The following ADARB1 variants were observed in gnomAD, a reference collection of about 807,000 sequenced individuals.
ADARB1 encodes the protein double-stranded RNA-specific editase 1.
Under a neutral mutation model 52.4 loss-of-function variants are expected in ADARB1, and 10 were observed. The ratio of observed to expected loss-of-function variants is 0.19; its 90% CI spans 0.12 to 0.32. The LOEUF is 0.32. Among genes scored for constraint, ADARB1 ranks in the 10% least tolerant of loss-of-function variants. The pLI is 1.00. For synonymous variants in ADARB1, 349 were observed against 371.1 expected (o/e 0.94, Z 0.68); for missense variants, 643 against 922.3 (o/e 0.70, Z 3.92).
chr21:45,165,267 C>T (rs1464550178), intron 2 of ADARB1, among the ~76,000 whole-genome samples: 2 of 152,168 alleles, frequency 1.3e-5, no homozygotes, highest in Non-Finnish European at 2.9e-5. Flanking sequence ...ACTGACACCT[C>T]TGCATGTTTC....
chr21:45,089,452 AT>A (rs113705380), intron 1 of ADARB1, among the ~76,000 whole-genome samples: 7 of 150,022 alleles, frequency 4.7e-5, no homozygotes, highest in East Asian at 3.9e-4. Flanking sequence ...GATTTGGTCG[AT>A]TTTTTTTTTC....
In ADARB1 at chr21:45,169,510, A is replaced by T. The variant is rs111483026; in HGVS notation, c.-47-2100A>T. Among the ~76,000 whole-genome samples, 567 of 152,274 alleles carry T rather than the reference A, an allele frequency of 3.7e-3. 7 individuals are homozygous for T. Among genetic ancestry groups the T allele is most frequent in the African/African-American group, 0.013 (532 of 41,540 alleles). ...TATGTTGAGAAAATGAAGCAAAAGGAAAATGCAGGGTCGCTTCTCAGGTCC... is the reference window on the plus strand; with the variant it reads ...TATGTTGAGAAAATGAAGCAAAAGGTAAATGCAGGGTCGCTTCTCAGGTCC... On this transcript the variant is annotated intron_variant, in intron 2 of 10. Transcript: ENST00000348831.
chr21:45,173,333 T>C (rs2838797), intron 3 of ADARB1, among the ~76,000 whole-genome samples: 52,200 of 152,018 alleles, frequency 0.34, 9,132 homozygotes, highest in Admixed American at 0.39. Flanking sequence ...AGAGAAGGCA[T>C]CTGTTGAAGA....
chr21:45,222,842 C>A lies in ADARB1; in HGVS notation c.*645C>A. ...GACTCCCAGCATGGTGTAGCGTGGC[C>A]CTGTCATGCACATGGGGTCCCGCAG... is the stretch of plus-strand genomic sequence containing the variant. On this transcript the variant is annotated 3_prime_UTR_variant, in exon 11 of 11. Transcript: ENST00000348831. 4.1e-6 allele frequency: 4 copies of A among 985,470 alleles called. No individual in the cohort carries two copies. Among genetic ancestry groups the A allele is most frequent in the Non-Finnish European group, 4.8e-6 (4 of 830,004 alleles). 61.0% of individuals were successfully genotyped at this position (985,470 alleles called of 1,614,324 possible). A position where few individuals can be genotyped will look rare whatever the true frequency, so the allele number is the denominator to read the frequency against.
chr21:45,206,493 G>A (rs2092667880), intron 9 of ADARB1, among the ~76,000 whole-genome samples: 1 of 149,688 alleles, frequency 6.7e-6, no homozygotes, highest in African/African-American at 2.5e-5. Context: ...GATAGTGTCT[G>A]CAAGATAGAG....
chr21:45,157,339 G>A lies in ADARB1; in HGVS notation c.-47-14271G>A, dbSNP rs1201212885. 6.6e-6 allele frequency among the ~76,000 whole-genome samples: 1 copy of A among 152,112 alleles called. No individual in the cohort carries two copies. Among genetic ancestry groups the A allele is most frequent in the Non-Finnish European group, 1.5e-5 (1 of 68,026 alleles). On this transcript the variant is annotated intron_variant, in intron 2 of 10. Coordinates refer to ENST00000348831, the MANE Select transcript of ADARB1 (RefSeq NM_001112.4). The surrounding 1 kb of genome is among the most constrained non-coding windows in gnomAD (Gnocchi z 4.1). ...TATAAGTGTTAATATTGAAAATAAA[G>A]TTTACATCGTTGTCTTTTTTTTCCC...
chr21:45,176,365 C>G lies in ADARB1; in HGVS notation c.664C>G (p.Leu222Val). The part of the protein sequence containing the change: ...PVPASLAQPP[L>V]PVLPPFPPPS... ...GCCTGCCAGCCTAGCCCAGCCTCCT[C>G]TCCCTGTCTTACCACCATTCCCACC... The change falls in exon 4 of 11, where the codon CTC becomes GTC. Residue 222 changes from leucine (L) to valine (V), a missense_variant. Physicochemically the swap from Leu to Val is conservative, Grantham distance 32. Transcript: ENST00000348831. The surrounding 1 kb of genome is among the most constrained non-coding windows in gnomAD (Gnocchi z 5.8). The G allele has an allele frequency of 6.2e-7, 1 of 1,614,206 alleles. No individual in the cohort carries two copies. The highest frequency in any genetic ancestry group is 8.5e-7 in the Non-Finnish European group (1 of 1,180,022).
intron 2 of ADARB1, among the ~76,000 whole-genome samples, chr21:45,162,288 G>C (rs1413528712): frequency 6.6e-6 from 1 of 152,178 alleles, no homozygotes; most frequent in Admixed American, 6.5e-5. Flanking sequence ...GCCTGGTTCA[G>C]CTGCAGCCTT....
chr21:45,222,104 C>A lies in ADARB1; in HGVS notation c.2013C>A (p.Ala671=). The change falls in exon 11 of 11, where the codon GCC becomes GCA. Residue 671 remains alanine (A), a synonymous_variant. Transcript: ENST00000348831. ...TGGCGGCAAAGGAGTACCAGGCCGC[C>A]AAGGCGCGTCTGTTCACAGCCTTCA... ...SKLAAKEYQA[A]KARLFTAFIK... 1 of 1,613,248 alleles carries A rather than the reference C, an allele frequency of 6.2e-7. No individual in the cohort carries two copies. The highest frequency in any genetic ancestry group is 1.1e-5 in the South Asian group (1 of 91,058).
At position 45,200,224 on chromosome 21, in the gene ADARB1, G is replaced by A. The variant is rs1049175756; in HGVS notation, c.1566-4331G>A. On this transcript the variant is annotated intron_variant, in intron 8 of 10. Coordinates refer to ENST00000348831, the MANE Select transcript of ADARB1 (RefSeq NM_001112.4). The surrounding 1 kb of genome is among the most constrained non-coding windows in gnomAD (Gnocchi z 5.0). ...AGGGCCCAGGGCCATGGTAGGTTGG[G>A]GGTGGGGTGGGAGCCACAGCACTGC... Among the ~76,000 whole-genome samples the A allele has an allele frequency of 2.0e-5, 3 of 152,192 alleles. No individual in the cohort carries two copies. The highest frequency in any genetic ancestry group is 7.2e-5 in the African/African-American group (3 of 41,432).
chr21:45,117,329 G>T (rs1007547016), intron 1 of ADARB1, among the ~76,000 whole-genome samples: 1 of 152,168 alleles, frequency 6.6e-6, no homozygotes, highest in African/African-American at 2.4e-5. Flanking sequence ...CTTACAAAAT[G>T]TTGTGTGTGT....
At chr21:45,105,701 T>C (rs1424060560) in intron 1 of ADARB1, among the ~76,000 whole-genome samples, 3 of 152,198 alleles carry the variant, frequency 2.0e-5, no homozygotes, top group Non-Finnish European at 4.4e-5. Flanking sequence ...CACACACACA[T>C]ATATGAGTGT....
chr21:45,075,010 GAGGA>G (rs2085859264), intron 1 of ADARB1, among the ~76,000 whole-genome samples: 1 of 151,348 alleles, frequency 6.6e-6, no homozygotes, highest in Non-Finnish European at 1.5e-5. Flanking sequence ...TCGGCTCCCG[GAGGA>G]AGCTGCGCCC....
In ADARB1 at chr21:45,176,249, C is replaced by A; in HGVS notation, c.548C>A (p.Pro183His). ...ACGCTCTTCAATGGTTTTGAAACTC[C>A]TGACAAGGCGGAGCCTCCCTTTTAC... ...PDTLFNGFET[P>H]DKAEPPFYVG... The change falls in exon 4 of 11, where the codon CCT (proline) becomes CAT (histidine). Residue 183 changes from proline to histidine, a missense_variant. By Grantham distance (77) the Pro-to-His change is moderately conservative. This residue lies in a region of ADARB1 where 380 missense variants were observed against 446.5 expected (regional missense o/e 0.85). Coordinates refer to ENST00000348831, the MANE Select transcript of ADARB1 (RefSeq NM_001112.4). The surrounding 1 kb of genome is among the most constrained non-coding windows in gnomAD (Gnocchi z 5.8). 6.2e-7 allele frequency: 1 copy of A among 1,614,194 alleles called. No individual in the cohort carries two copies. The highest frequency in any genetic ancestry group is 8.5e-7 in the Non-Finnish European group (1 of 1,180,038).
chr21:45,134,930 A>G, intron 2 of ADARB1: 1 of 441,820 alleles, frequency 2.3e-6, no homozygotes, highest in Non-Finnish European at 4.7e-6. Context: ...GGGCAGAGCC[A>G]CCTCTGCAGA....
At position 45,128,376 on chromosome 21, in the gene ADARB1, A is replaced by C. The variant is rs984700740; in HGVS notation, c.-219-26A>C. On this transcript the variant is annotated intron_variant, in intron 1 of 10. Transcript: ENST00000348831. This position sits in a 1 kb window ranked among gnomAD's most constrained non-coding sequence, Gnocchi z 4.6. ...TTGATACTGAATCAAACAAGTGTGA[A>C]GTTACCGAATCTCTCTGTTACACAG... 1.3e-5 allele frequency: 2 copies of C among 152,242 alleles called. No individual in the cohort carries two copies. The highest frequency in any genetic ancestry group is 2.9e-5 in the Non-Finnish European group (2 of 68,042). 9.4% of individuals were successfully genotyped at this position (152,242 alleles called of 1,614,324 possible).
intron 2 of ADARB1, among the ~76,000 whole-genome samples, chr21:45,141,305 A>C (rs1719068084): frequency 6.6e-6 from 1 of 152,246 alleles, no homozygotes; most frequent in African/African-American, 2.4e-5. Context: ...TAAAATGCAA[A>C]AAATTAGCCT....
chr21:45,167,284 A>G (rs954790078), intron 2 of ADARB1, among the ~76,000 whole-genome samples: 1 of 152,226 alleles, frequency 6.6e-6, no homozygotes, highest in African/African-American at 2.4e-5. Flanking sequence ...GGTGAACTAC[A>G]TGAGCTGGGC....
chr21:45,106,139 CTTTG>C, intron 1 of ADARB1, among the ~76,000 whole-genome samples: 1 of 54,330 alleles, frequency 1.8e-5, no homozygotes, highest in African/African-American at 5.0e-5. Flanking sequence ...GTATTCCTTT[CTTTG>C]CCTTTAATGC....
Sources: gnomAD v4.1 joint callset for allele counts (sites outside exome capture counted in the v4.1 genomes callset) on GRCh38, gnomAD v4.1.1 for gene constraint, gnomAD v4.1.1 regional missense constraint, Gnocchi (gnomAD v3.1) non-coding constraint, MANE v1.5 for transcripts, NCBI Gene and HGNC (gene_info 2026-07-23, HGNC 2026-07-21) for gene names.